The following BTRC variants were observed in gnomAD, a reference collection of about 807,000 sequenced individuals.
The protein encoded by BTRC is beta-transducin repeat containing E3 ubiquitin protein ligase.
In BTRC, 42 loss-of-function variants were observed where a neutral mutation model predicts 85.5. That is an observed-to-expected ratio of 0.49 (90% CI 0.38 to 0.64). BTRC has a LOEUF of 0.64. Among genes scored for constraint, BTRC ranks in the 30% least tolerant of loss-of-function variants. BTRC has a pLI of 0.00. For synonymous variants in BTRC, 255 were observed against 263.3 expected, an observed-to-expected ratio of 0.97 and a Z score of 0.30; for missense variants, 594 against 743.5, an observed-to-expected ratio of 0.80 and a Z score of 2.34.
intron 3 of BTRC, among the ~76,000 whole-genome samples, chr10:101,466,420 T>G (rs924189787): frequency 2.0e-5 from 3 of 152,204 alleles, no homozygotes; most frequent in African/African-American, 7.2e-5. Flanking sequence ...ACAAAGTAGC[T>G]GTCTCCCTTG....
chr10:101,445,983 C>T (rs1263692845), intron 2 of BTRC, among the ~76,000 whole-genome samples: 1 of 152,136 alleles, frequency 6.6e-6, no homozygotes, highest in Non-Finnish European at 1.5e-5. Flanking sequence ...TAATGTGGCA[C>T]TGGGACGGAA....
chr10:101,419,674 G>C (rs921171595), intron 1 of BTRC, among the ~76,000 whole-genome samples: 1 of 152,114 alleles, frequency 6.6e-6, no homozygotes, highest in African/African-American at 2.4e-5. Flanking sequence ...TTAGGAAAAT[G>C]GCATCACATC....
chr10:101,483,316 C>G (rs372376670), intron 4 of BTRC, among the ~76,000 whole-genome samples: 35 of 152,106 alleles, frequency 2.3e-4, no homozygotes, highest in Non-Finnish European at 4.4e-5. Flanking sequence ...TAAAAATGGC[C>G]GGGCACGGTG....
chr10:101,499,137 G>T (rs1946339603), intron 4 of BTRC, among the ~76,000 whole-genome samples: 1 of 152,152 alleles, frequency 6.6e-6, no homozygotes, highest in South Asian at 2.1e-4. Context: ...TTTGTTTACA[G>T]GGGGAAAAAG....
At chr10:101,531,835 G>C (rs1290037841) in intron 7 of BTRC, among the ~76,000 whole-genome samples, 1 of 152,202 alleles carries the variant, frequency 6.6e-6, no homozygotes, top group African/African-American at 2.4e-5. Flanking sequence ...AAGTAGATGA[G>C]AGAGTTAAAG....
intron 2 of BTRC, among the ~76,000 whole-genome samples, chr10:101,437,032 C>T (rs1472174781): frequency 6.6e-6 from 1 of 152,058 alleles, no homozygotes; most frequent in Admixed American, 6.5e-5. Flanking sequence ...GAAAATTATC[C>T]TGTGACAGAA....
chr10:101,499,668 C>T (rs745463969), intron 4 of BTRC, among the ~76,000 whole-genome samples: 16 of 151,696 alleles, frequency 1.1e-4, no homozygotes, highest in Middle Eastern at 3.2e-3. Context: ...CCCCCATTCT[C>T]ACTGCTGCTC....
At chr10:101,380,918 G>C (rs973922690) in intron 1 of BTRC, among the ~76,000 whole-genome samples, 1 of 152,154 alleles carries the variant, frequency 6.6e-6, no homozygotes, top group Non-Finnish European at 1.5e-5. Context: ...ATAACCTGTT[G>C]CTTGTGCAGT....
At chr10:101,495,074 A>G (rs1946226060) in intron 4 of BTRC, among the ~76,000 whole-genome samples, 1 of 152,172 alleles carries the variant, frequency 6.6e-6, no homozygotes, top group Non-Finnish European at 1.5e-5. Context: ...TTTACAGCCA[A>G]AACTTTCTAT....
At chr10:101,502,145 G>A (rs950064063) in intron 4 of BTRC, among the ~76,000 whole-genome samples, 22 of 152,160 alleles carry the variant, frequency 1.4e-4, no homozygotes, top group African/African-American at 4.6e-4. Flanking sequence ...ATTTTAGTCT[G>A]GTTTCTGCCC....
chr10:101,440,737 A>AT (rs1944658042), intron 2 of BTRC, among the ~76,000 whole-genome samples: 1 of 151,922 alleles, frequency 6.6e-6, no homozygotes, highest in Non-Finnish European at 1.5e-5. Flanking sequence ...AGAAAAAAAA[A>AT]GGCAACTATT....
At chr10:101,484,199 T>C (rs1589533167) in intron 4 of BTRC, among the ~76,000 whole-genome samples, 1 of 152,222 alleles carries the variant, frequency 6.6e-6, no homozygotes, top group Non-Finnish European at 1.5e-5. Context: ...TGAAACTGAC[T>C]GAGACAGAAA....
chr10:101,387,589 C>T (rs543785751), intron 1 of BTRC, among the ~76,000 whole-genome samples: 11 of 126,984 alleles, frequency 8.7e-5, no homozygotes, highest in Admixed American at 5.4e-4. Context: ...TGCAATGGTG[C>T]GATCTTGGCT....
intron 2 of BTRC, among the ~76,000 whole-genome samples, chr10:101,446,122 C>T (rs1944819508): frequency 7.3e-6 from 1 of 137,388 alleles, no homozygotes; most frequent in Non-Finnish European, 1.6e-5. Flanking sequence ...CCCCCCAACC[C>T]CCTCCGTGCT....
At chr10:101,423,148 A>G (rs754036175) in intron 1 of BTRC, among the ~76,000 whole-genome samples, 1 of 152,092 alleles carries the variant, frequency 6.6e-6, no homozygotes, top group Non-Finnish European at 1.5e-5. Context: ...TCCTGGTCTC[A>G]AGCAGTCCTC....
intron 3 of BTRC, among the ~76,000 whole-genome samples, chr10:101,467,350 C>A: frequency 8.0e-6 from 1 of 125,670 alleles, no homozygotes; most frequent in Non-Finnish European, 1.7e-5. Context: ...TTTTTTCTCT[C>A]TATTTGTTTT....
intron 1 of BTRC, among the ~76,000 whole-genome samples, chr10:101,392,825 A>G (rs1267986382): frequency 1.3e-5 from 2 of 152,166 alleles, no homozygotes; most frequent in African/African-American, 4.8e-5. Flanking sequence ...CACCCGACCA[A>G]TTAAAAGTTT....
At chr10:101,530,807 C>T (rs986453430) in intron 6 of BTRC, among the ~76,000 whole-genome samples, 8 of 152,184 alleles carry the variant, frequency 5.3e-5, no homozygotes, top group Non-Finnish European at 8.8e-5. Flanking sequence ...TTTGCTCCTC[C>T]GCAGACAGCT....
intron 1 of BTRC, among the ~76,000 whole-genome samples, chr10:101,370,646 T>C (rs1337536815): frequency 8.2e-6 from 1 of 122,430 alleles, no homozygotes; most frequent in Admixed American, 9.2e-5. Flanking sequence ...CTAGGCTCAC[T>C]GCAGCCTTGA....
Sources: gnomAD v4.1 joint callset for allele counts (sites outside exome capture counted in the v4.1 genomes callset) on GRCh38, gnomAD v4.1.1 for gene constraint, MANE v1.5 for transcripts, NCBI Gene and HGNC (gene_info 2026-07-23, HGNC 2026-07-21) for gene names.